The following TACC1 variants were observed in gnomAD, a reference collection of about 807,000 sequenced individuals.
TACC1 encodes the protein transforming acidic coiled-coil-containing protein 1.
TACC1 carries 48 observed loss-of-function variants against 84.4 expected under a neutral mutation model. The ratio of observed to expected loss-of-function variants is 0.57; its 90% CI spans 0.45 to 0.72. The LOEUF (loss-of-function observed/expected upper bound fraction) is 0.72. TACC1 is among the 30% of genes least tolerant of loss of function. The probability of loss-of-function intolerance (pLI) is 0.00; values close to 1 mark genes in which losing one functional copy is unlikely to be tolerated. For synonymous variants in TACC1, 372 were observed against 376.3 expected (o/e 0.99, Z 0.13); for missense variants, 920 against 973.0 (o/e 0.95, Z 0.72).
chr8:38,836,954 GTTTTAA>G (rs1830354729), intron 7 of TACC1, among the ~76,000 whole-genome samples: 1 of 151,706 alleles, frequency 6.6e-6, no homozygotes, highest in South Asian at 2.1e-4. Flanking sequence ...GTTTTTTTTA[GTTTTAA>G]TTTTTATAGT....
chr8:38,782,889 C>A (rs1816310011), upstream of TACC1, among the ~76,000 whole-genome samples: 1 of 151,988 alleles, frequency 6.6e-6, no homozygotes, highest in Non-Finnish European at 1.5e-5. Context: ...AACAGGCTGA[C>A]CTAATTCTGT....
intron 1 of TACC1, among the ~76,000 whole-genome samples, chr8:38,732,571 A>G (rs987941855): frequency 3.3e-5 from 5 of 152,222 alleles, no homozygotes; most frequent in Non-Finnish European, 5.9e-5. Flanking sequence ...TTGAAGTAGA[A>G]GTAGATGAGA....
intron 3 of TACC1, among the ~76,000 whole-genome samples, chr8:38,777,320 A>G (rs771077342): frequency 1.1e-4 from 16 of 151,404 alleles, no homozygotes; most frequent in Non-Finnish European, 2.2e-4. Context: ...GGCAGCAATT[A>G]GTCTAGGGCC....
chr8:38,752,827 A>G (rs937943669), intron 3 of TACC1, among the ~76,000 whole-genome samples: 3 of 152,196 alleles, frequency 2.0e-5, no homozygotes, highest in East Asian at 3.9e-4. Context: ...GTAGTGTCCA[A>G]CTATGATCCT....
Position 38,846,738 on chromosome 8 carries a change from G to A in TACC1, c.2268G>A (p.Lys756=), listed in dbSNP as rs1832389186. Residue 756 remains lysine, a synonymous_variant, in exon 12 of 13, where the codon AAG becomes AAA. Transcript: ENST00000317827. ...TTGCTCAGGTTCGAACAAAAGCAAA[G>A]GCTGAGAGTGCAGCTCTCCATGCTG... The part of the protein sequence containing the change: ...EEIAQVRTKA[K]AESAALHAGL... 4.3e-6 allele frequency: 7 copies of A among 1,614,164 alleles called. No individual in the cohort carries two copies. Among genetic ancestry groups the A allele is most frequent in the Non-Finnish European group, 5.9e-6 (7 of 1,180,022 alleles).
chr8:38,748,745 GATGATAATATAA>G (rs1197194830), intron 3 of TACC1, among the ~76,000 whole-genome samples: 1 of 152,068 alleles, frequency 6.6e-6, no homozygotes, highest in Non-Finnish European at 1.5e-5. Context: ...ATTTTGCCCT[GATGATAATATAA>G]ATACACATTT....
chr8:38,822,371 C>A (rs56378559), intron 3 of TACC1, among the ~76,000 whole-genome samples: 28,656 of 150,596 alleles, frequency 0.19, 3,383 homozygotes, highest in Non-Finnish European at 0.27. Flanking sequence ...AAAAATAATA[C>A]ACCTGTATAG....
intron 1 of TACC1, among the ~76,000 whole-genome samples, chr8:38,734,681 CCATCTG>C (rs1308726846): frequency 6.6e-6 from 1 of 152,274 alleles, no homozygotes; most frequent in African/African-American, 2.4e-5. Context: ...TTAATCATTA[CCATCTG>C]CATGGCTGCT....
At chr8:38,737,274 G>C (rs532625984) in intron 1 of TACC1, among the ~76,000 whole-genome samples, 1 of 152,288 alleles carries the variant, frequency 6.6e-6, no homozygotes, top group South Asian at 2.1e-4. Flanking sequence ...TTCTTTGTAG[G>C]AATTCTACCC....
chr8:38,837,992 G>C (rs1199780112), intron 7 of TACC1, among the ~76,000 whole-genome samples: 1 of 152,238 alleles, frequency 6.6e-6, no homozygotes, highest in Non-Finnish European at 1.5e-5. Flanking sequence ...CCATTTCTAT[G>C]AAGCTGTCAG....
rs1832927789 is a variant in TACC1 at position 38,850,436 on chromosome 8, T to A, written c.*2413T>A. 6.6e-6 allele frequency: 1 copy of A among 152,156 alleles called. No homozygotes were observed. Among genetic ancestry groups the A allele is most frequent in the African/African-American group, 2.4e-5 (1 of 41,422 alleles). 9.4% of individuals were successfully genotyped at this position (152,156 alleles called of 1,614,324 possible). On this transcript the variant is annotated 3_prime_UTR_variant, in exon 13 of 13. Coordinates refer to ENST00000317827, the MANE Select transcript of TACC1 (RefSeq NM_006283.3). Reference sequence around the variant, plus strand: ...GGAGAGTAAGAATATAGTATAGAGTTTGCCTCAACACATGTGAGGGCCAAA... The same window carrying A: ...GGAGAGTAAGAATATAGTATAGAGTATGCCTCAACACATGTGAGGGCCAAA...
At chr8:38,796,178 G>A (rs1819931910) in intron 2 of TACC1, among the ~76,000 whole-genome samples, 2 of 152,212 alleles carry the variant, frequency 1.3e-5, no homozygotes, top group South Asian at 4.1e-4. Flanking sequence ...GATTCTGCGA[G>A]ATAGGACACA....
chr8:38,811,853 A>G (rs998934299), intron 2 of TACC1, among the ~76,000 whole-genome samples: 20 of 152,228 alleles, frequency 1.3e-4, no homozygotes, highest in Admixed American at 1.2e-3. Flanking sequence ...GAATAGAGCC[A>G]TATTTTTCTT....
At chr8:38,835,105 T>A (rs1386272870) in intron 6 of TACC1, among the ~76,000 whole-genome samples, 1 of 151,674 alleles carries the variant, frequency 6.6e-6, no homozygotes, top group Admixed American at 6.6e-5. Context: ...TACAGAAAAA[T>A]TAGCCGGGCG....
chr8:38,752,961 C>T (rs1809319943), intron 3 of TACC1, among the ~76,000 whole-genome samples: 1 of 152,052 alleles, frequency 6.6e-6, no homozygotes, highest in Non-Finnish European at 1.5e-5. Flanking sequence ...TTACAGCTGG[C>T]CTCTGAGTGT....
chr8:38,790,672 C>G (rs1818434478), intron 2 of TACC1, among the ~76,000 whole-genome samples: 2 of 152,172 alleles, frequency 1.3e-5, no homozygotes, highest in South Asian at 4.1e-4. Flanking sequence ...CTAGGGAAGT[C>G]AAGTTACTCT....
At chr8:38,748,358 T>G (rs1808435335) in intron 3 of TACC1, among the ~76,000 whole-genome samples, 1 of 152,082 alleles carries the variant, frequency 6.6e-6, no homozygotes, top group Admixed American at 6.5e-5. Flanking sequence ...CAATTATAAT[T>G]GGAAATTTTA....
At position 38,851,790 on chromosome 8, in the gene TACC1, A is replaced by C. The variant is rs1833121803; in HGVS notation, c.*3767A>C. On this transcript the variant is annotated 3_prime_UTR_variant, in exon 13 of 13. Coordinates refer to ENST00000317827, the MANE Select transcript of TACC1 (RefSeq NM_006283.3). ...AGTAAAGATGTATTTATTCTGAAGAATCTAAAAGATAACAGATTATTTGCT... is the reference window on the plus strand; with the variant it reads ...AGTAAAGATGTATTTATTCTGAAGACTCTAAAAGATAACAGATTATTTGCT... 1 of 370,750 alleles carries C rather than the reference A, an allele frequency of 2.7e-6. No individual in the cohort carries two copies. Among genetic ancestry groups the C allele is most frequent in the African/African-American group, 2.1e-5 (1 of 47,242 alleles). 23.0% of individuals were successfully genotyped at this position (370,750 alleles called of 1,614,324 possible). A position where few individuals can be genotyped will look rare whatever the true frequency, so the allele number is the denominator to read the frequency against.
intron 3 of TACC1, among the ~76,000 whole-genome samples, chr8:38,754,810 C>T (rs1391486376): frequency 1.3e-5 from 2 of 152,218 alleles, no homozygotes; most frequent in East Asian, 3.8e-4. Context: ...ACCCTGGGAA[C>T]TTTCTGGCTA....
Sources: gnomAD v4.1 joint callset for allele counts (sites outside exome capture counted in the v4.1 genomes callset) on GRCh38, gnomAD v4.1.1 for gene constraint, MANE v1.5 for transcripts, NCBI Gene and HGNC (gene_info 2026-07-23, HGNC 2026-07-21) for gene names.